MACROD2: variants seen among roughly 807,000 people sequenced by gnomAD.
The protein encoded by MACROD2 is mono-ADP ribosylhydrolase 2.
In MACROD2, 36 loss-of-function variants were observed where a neutral mutation model predicts 70.4. The ratio of observed to expected loss-of-function variants is 0.51; its 90% CI spans 0.39 to 0.68. The LOEUF is 0.68. MACROD2 is among the 30% of genes least tolerant of loss of function. MACROD2 has a pLI of 0.00. For synonymous variants in MACROD2, 172 were observed against 178.8 expected (o/e 0.96, Z 0.30); for missense variants, 496 against 538.4 (o/e 0.92, Z 0.78).
chr20:14,501,118 A>AT, intron 4 of MACROD2, among the ~76,000 whole-genome samples: 1 of 151,766 alleles, frequency 6.6e-6, no homozygotes, highest in Admixed American at 6.6e-5. Flanking sequence ...TACAGTAATT[A>AT]TTTTTATCAT....
rs374406359 is a variant in MACROD2, at chr20:15,902,692, C to T, written c.775+16881C>T. 3.3e-4 allele frequency among the ~76,000 whole-genome samples: 50 copies of T among 152,144 alleles called. No homozygotes were observed. The South Asian group carries it at 8.7e-3, about 27-fold the overall frequency. On this transcript the variant is annotated intron_variant, in intron 10 of 17. Coordinates refer to ENST00000684519, the MANE Select transcript of MACROD2 (RefSeq NM_001351661.2). ...AGGACCCCAGCTCTGTGAAAAGGTT[C>T]TCATGGCAAGGAGCTGAGGCCCCCT...
At chr20:16,005,264 T>C (rs887163979) in intron 15 of MACROD2, among the ~76,000 whole-genome samples, 1 of 152,238 alleles carries the variant, frequency 6.6e-6, no homozygotes, top group Non-Finnish European at 1.5e-5. Context: ...GCAGCCCTTA[T>C]CTGATTTAAG....
At chr20:15,542,456 A>G (rs2047970073) in intron 8 of MACROD2, among the ~76,000 whole-genome samples, 1 of 152,180 alleles carries the variant, frequency 6.6e-6, no homozygotes. Flanking sequence ...AAGTAGGACC[A>G]GTGGGAGATG....
intron 8 of MACROD2, among the ~76,000 whole-genome samples, chr20:15,849,236 G>T (rs2064269200): frequency 6.6e-6 from 1 of 152,180 alleles, no homozygotes; most frequent in Non-Finnish European, 1.5e-5. Context: ...AATTACTCAA[G>T]GGAGATTGTT....
intron 3 of MACROD2, among the ~76,000 whole-genome samples, chr20:14,189,452 T>C (rs1461907097): frequency 6.6e-6 from 1 of 152,244 alleles, no homozygotes; most frequent in Non-Finnish European, 1.5e-5. Flanking sequence ...TTGAGATTGC[T>C]TAATTACAGC....
intron 4 of MACROD2, among the ~76,000 whole-genome samples, chr20:14,654,361 A>C (rs1985856645): frequency 6.6e-6 from 1 of 151,954 alleles, no homozygotes; most frequent in Non-Finnish European, 1.5e-5. Context: ...AGCCTGGCCA[A>C]CATGGTGAAA....
chr20:14,166,607 G>A (rs961447421), intron 3 of MACROD2, among the ~76,000 whole-genome samples: 2 of 152,126 alleles, frequency 1.3e-5, no homozygotes, highest in South Asian at 4.2e-4. Flanking sequence ...CTCCCAGACA[G>A]TCCAGGTTCA....
At chr20:15,929,647 C>G (rs1289993173) in intron 10 of MACROD2, among the ~76,000 whole-genome samples, 1 of 152,146 alleles carries the variant, frequency 6.6e-6, no homozygotes, top group Non-Finnish European at 1.5e-5. Flanking sequence ...TTTAGACTTA[C>G]GTCTTGTTTA....
chr20:15,103,986 A>G (rs2075892616), intron 5 of MACROD2, among the ~76,000 whole-genome samples: 1 of 152,178 alleles, frequency 6.6e-6, no homozygotes, highest in Admixed American at 6.5e-5. Context: ...TCTGATTTAC[A>G]GTTTTAAAAG....
At chr20:15,893,933 A>G in intron 10 of MACROD2, 1 of 456,758 alleles carries the variant, frequency 2.2e-6, no homozygotes, top group South Asian at 1.5e-5. Context: ...GAAGTGCCTC[A>G]GTCTGCAGTG....
chr20:15,904,848 T>C (rs2065120620), intron 10 of MACROD2, among the ~76,000 whole-genome samples: 5 of 138,044 alleles, frequency 3.6e-5, no homozygotes. Context: ...AGCACTGCAC[T>C]CCAGCCTGCG....
chr20:14,241,636 G>A (rs1170421333), intron 3 of MACROD2, among the ~76,000 whole-genome samples: 2 of 152,030 alleles, frequency 1.3e-5, no homozygotes, highest in Non-Finnish European at 2.9e-5. Flanking sequence ...TTATAATAGG[G>A]AATTACCTTG....
At chr20:15,006,515 A>G (rs989725396) in intron 5 of MACROD2, among the ~76,000 whole-genome samples, 1 of 152,250 alleles carries the variant, frequency 6.6e-6, no homozygotes, top group Non-Finnish European at 1.5e-5. Flanking sequence ...AAAGGTAACT[A>G]TCTGAGGTGA....
intron 6 of MACROD2, among the ~76,000 whole-genome samples, chr20:15,363,221 A>G (rs1336147343): frequency 6.6e-6 from 1 of 152,228 alleles, no homozygotes; most frequent in Non-Finnish European, 1.5e-5. Flanking sequence ...ACAAGTGACC[A>G]TCTGCTTACT....
chr20:15,760,972 A>G (rs2051427478), intron 8 of MACROD2, among the ~76,000 whole-genome samples: 1 of 152,266 alleles, frequency 6.6e-6, no homozygotes, highest in South Asian at 2.1e-4. Flanking sequence ...CTCTGCATAT[A>G]TTGAAACTAT....
chr20:15,022,008 A>G (rs2075190842), intron 5 of MACROD2, among the ~76,000 whole-genome samples: 1 of 152,136 alleles, frequency 6.6e-6, no homozygotes, highest in Non-Finnish European at 1.5e-5. Flanking sequence ...AAAAAAATCT[A>G]TCAATTAAAA....
chr20:14,047,412 G>A (rs562600763), intron 2 of MACROD2, among the ~76,000 whole-genome samples: 67 of 137,166 alleles, frequency 4.9e-4, no homozygotes, highest in Non-Finnish European at 8.6e-4. Context: ...CCGAGATTGC[G>A]CCACTGCACT....
intron 5 of MACROD2, among the ~76,000 whole-genome samples, chr20:14,823,155 A>C (rs1026175508): frequency 1.3e-5 from 2 of 151,922 alleles, no homozygotes; most frequent in African/African-American, 4.8e-5. Flanking sequence ...AAAGCTGTGG[A>C]CTCTTATGGG....
Position 15,562,713 on chromosome 20 carries a change from C to G in MACROD2, c.645+62866C>G, listed in dbSNP as rs560952487. 3.3e-5 allele frequency among the ~76,000 whole-genome samples: 5 copies of G among 152,238 alleles called. No individual in the cohort carries two copies. In the South Asian group the frequency reaches 1.0e-3, roughly 32 times the overall value. On this transcript the variant is annotated intron_variant, in intron 8 of 17. Transcript: ENST00000684519. The stretch of plus-strand genomic sequence containing the variant: ...TGAAGGACCACTTTAAAAAGTAGCT[C>G]CAGAGTAAGGCTGAAGTCCAATTGA...
Sources: gnomAD v4.1 joint callset for allele counts (sites outside exome capture counted in the v4.1 genomes callset) on GRCh38, gnomAD v4.1.1 for gene constraint, MANE v1.5 for transcripts, NCBI Gene and HGNC (gene_info 2026-07-23, HGNC 2026-07-21) for gene names.